The following NECAP2 variants were observed in gnomAD, a reference collection of about 807,000 sequenced individuals.
NECAP2 encodes the protein NECAP endocytosis associated 2, also known as adaptin ear-binding coat-associated protein 2.
In NECAP2, 38 loss-of-function variants were observed where a neutral mutation model predicts 37.8. That is an observed-to-expected ratio of 1.01 (90% CI 0.78 to 1.32). The LOEUF is 1.32. Ranked by LOEUF, NECAP2 falls within the 40% of genes most tolerant of loss-of-function variation. The pLI is 0.00. For missense variants in NECAP2, 316 were observed against 334.5 expected (o/e 0.94, Z 0.43); for synonymous variants, 121 against 127.7 (o/e 0.95, Z 0.35).
chr1:16,440,783 T>G lies in NECAP2; in HGVS notation c.22T>G (p.Ser8Ala), dbSNP rs2086677814. MEESGYE[S>A]VLCVKPDVHV... ...CGCGATGGAGGAGAGCGGGTACGAG[T>G]CGGTGCTCTGTGTCAAGCCTGACGT... is the stretch of plus-strand genomic sequence containing the variant. Residue 8 changes from serine to alanine, a missense_variant, in exon 1 of 8, where the codon TCG becomes GCG. Transcript: ENST00000337132. The G allele has an allele frequency of 2.5e-6, 4 of 1,613,638 alleles. No individual in the cohort carries two copies. The highest frequency in any genetic ancestry group is 1.7e-6 in the Non-Finnish European group (2 of 1,179,942).
At chr1:16,451,132 A>G (rs1189898839) in intron 5 of NECAP2, 1 of 152,176 alleles carries the variant, frequency 6.6e-6, no homozygotes, top group Non-Finnish European at 1.5e-5. Flanking sequence ...GAATTGAATC[A>G]TACACCTAAT....
At chr1:16,451,792 G>C in intron 5 of NECAP2, 46 bp from the exon 6 acceptor site, 1 of 1,610,060 alleles carries the variant, frequency 6.2e-7, no homozygotes, top group Non-Finnish European at 8.5e-7. Context: ...GGTAGCATTG[G>C]GACTCCAGCA....
chr1:16,458,270 C>T (rs950045875), intron 7 of NECAP2, among the ~76,000 whole-genome samples: 1 of 152,052 alleles, frequency 6.6e-6, no homozygotes, highest in African/African-American at 2.4e-5. Context: ...TAAATGAGGG[C>T]TGGCAGTGAG....
intron 1 of NECAP2, among the ~76,000 whole-genome samples, chr1:16,442,339 T>C (rs1393896762): frequency 6.6e-6 from 1 of 152,154 alleles, no homozygotes; most frequent in Non-Finnish European, 1.5e-5. Flanking sequence ...AGCGAGGTTA[T>C]GAATTGTCAG....
At chr1:16,442,678 A>G (rs2086705795) in intron 1 of NECAP2, among the ~76,000 whole-genome samples, 1 of 152,200 alleles carries the variant, frequency 6.6e-6, no homozygotes, top group Admixed American at 6.5e-5. Context: ...CTGTAATCCC[A>G]ACACTTTGGG....
Position 16,443,738 on chromosome 1 carries a change from CGGAA to C in NECAP2, c.193+9_193+12del. The C allele has an allele frequency of 6.2e-7, 1 of 1,607,784 alleles. No homozygotes were observed. Among genetic ancestry groups the C allele is most frequent in the Non-Finnish European group, 8.5e-7 (1 of 1,176,166 alleles). Reference sequence around the variant, plus strand: ...GCTGGAGGACAGGACGTCAGGTAACCGGAAGGGAGGCTGCATCAAGCTGAGGGGC... The same window carrying C: ...GCTGGAGGACAGGACGTCAGGTAACCGGGAGGCTGCATCAAGCTGAGGGGC... On this transcript the variant is annotated splice_region_variant and intron_variant, in intron 2 of 7. Transcript: ENST00000337132.
At chr1:16,445,062 G>T (rs957846438) in intron 2 of NECAP2, among the ~76,000 whole-genome samples, 1 of 152,136 alleles carries the variant, frequency 6.6e-6, no homozygotes, top group African/African-American at 2.4e-5. Context: ...CTGACCTCGT[G>T]ATCCGCCCAC....
At position 16,440,823 on chromosome 1, in the gene NECAP2, T is replaced by C. The variant is rs2086679402; in HGVS notation, c.62T>C (p.Ile21Thr). 1 of 1,614,084 alleles carries C rather than the reference T, an allele frequency of 6.2e-7. No homozygotes were observed. Among genetic ancestry groups the C allele is most frequent in the Non-Finnish European group, 8.5e-7 (1 of 1,179,986 alleles). ...CVKPDVHVYRIPPRATNRGYR... is the reference protein window; with the variant it reads ...CVKPDVHVYRTPPRATNRGYR... ...AAGCCTGACGTCCACGTCTACCGCA[T>C]CCCTCCGCGGGCTACCAACCGTGGC... Residue 21 changes from isoleucine to threonine, a missense_variant, in exon 1 of 8, where the codon ATC (isoleucine) becomes ACC (threonine). Physicochemically the swap from Ile to Thr is moderately conservative, Grantham distance 89 (BLOSUM62 -1). Around this residue, in one of 3 missense-constraint regions of NECAP2, gnomAD observed 81 missense variants for 124.2 expected, o/e 0.65. Transcript: ENST00000337132.
chr1:16,442,156 T>C (rs1376147389), intron 1 of NECAP2, among the ~76,000 whole-genome samples: 3 of 152,152 alleles, frequency 2.0e-5, no homozygotes, highest in Non-Finnish European at 4.4e-5. Context: ...TTTTGTGTTT[T>C]TAGTAGAGAT....
At position 16,445,180 on chromosome 1, in the gene NECAP2, C is replaced by T. The variant is rs150444661; in HGVS notation, c.193+1448C>T. Among the ~76,000 whole-genome samples the T allele has an allele frequency of 3.9e-5, 6 of 152,338 alleles. No individual in the cohort carries two copies. The East Asian group carries it at 1.2e-3, about 29-fold the overall frequency. On this transcript the variant is annotated intron_variant, in intron 2 of 7. Coordinates refer to ENST00000337132, the MANE Select transcript of NECAP2 (RefSeq NM_018090.5). ...ACAGGCACTGCCTAGGGCTGAGCCT[C>T]CCCTGTGGGACCCACCCCAAGGTGC...
At chr1:16,458,725 G>A (rs1421302866) in intron 7 of NECAP2, 117 bp from the exon 8 acceptor site, 1 of 1,038,810 alleles carries the variant, frequency 9.6e-7, no homozygotes, top group Non-Finnish European at 1.4e-6. Context: ...TGCTGCTCTA[G>A]AACATTTAGG....
chr1:16,440,742 G>C lies in NECAP2; in HGVS notation c.-20G>C. 1.9e-6 allele frequency: 3 copies of C among 1,609,350 alleles called. No homozygotes were observed. The highest frequency in any genetic ancestry group is 2.2e-5 in the South Asian group (2 of 90,974). ...GAACGGTGGAAGTCGCCGGAAGTTC[G>C]GTGGGCTCCAGGCGTCGCGATGGAG... On this transcript the variant is annotated 5_prime_UTR_variant, in exon 1 of 8. Coordinates refer to ENST00000337132, the MANE Select transcript of NECAP2 (RefSeq NM_018090.5).
At chr1:16,441,020 A>C in intron 1 of NECAP2, 167 bp downstream of exon 1, 1 of 594,626 alleles carries the variant, frequency 1.7e-6, no homozygotes, top group South Asian at 2.1e-5. Flanking sequence ...GTGGATCCAG[A>C]GTTTCGCCCG....
chr1:16,457,707 GTTTTT>G (rs56863489), intron 7 of NECAP2, among the ~76,000 whole-genome samples: 1 of 105,464 alleles, frequency 9.5e-6, no homozygotes, highest in Non-Finnish European at 1.9e-5. Flanking sequence ...TAGTAATTCT[GTTTTT>G]TTTTTTTTTT....
rs2086788989 is a variant in NECAP2 at position 16,448,083 on chromosome 1, G to A, written c.322G>A (p.Gly108Ser). The change falls in exon 4 of 8, where the codon GGC becomes AGC. Residue 108 changes from glycine to serine, a missense_variant. Physicochemically the swap from Gly to Ser is moderately conservative, Grantham distance 56. Around this residue, in one of 3 missense-constraint regions of NECAP2, gnomAD observed 81 missense variants for 124.2 expected, o/e 0.65. Coordinates refer to ENST00000337132, the MANE Select transcript of NECAP2 (RefSeq NM_018090.5). The stretch of plus-strand genomic sequence containing the variant: ...AGGGCGACGGGCGTTTATTGGAATT[G>A]GCTTCGGGGACCGAGGTGATGCCTT... ...GNGRRAFIGI[G>S]FGDRGDAFDF... 1.2e-5 allele frequency: 19 copies of A among 1,614,182 alleles called. 1 individual carries two copies. In the East Asian group the frequency reaches 4.2e-4, roughly 36 times the overall value.
chr1:16,456,247 A>C (rs1462989345), intron 7 of NECAP2, among the ~76,000 whole-genome samples: 2 of 149,114 alleles, frequency 1.3e-5, no homozygotes, highest in Admixed American at 6.7e-5. Context: ...GTTGTCTTGA[A>C]CTCCTGACCT....
Position 16,455,980 on chromosome 1 carries a change from T to A in NECAP2, c.743+87T>A, listed in dbSNP as rs1009565516. 28 of 976,256 alleles carry A rather than the reference T, an allele frequency of 2.9e-5. No individual in the cohort carries two copies. The Admixed American group carries it at 5.2e-4, about 18-fold the overall frequency. 60.5% of individuals were successfully genotyped at this position (976,256 alleles called of 1,614,324 possible). A position where few individuals can be genotyped will look rare whatever the true frequency, so the allele number is the denominator to read the frequency against. ...ATTGTTCCACATGCCTGCCTTCTGG[T>A]GTTAGGATTAGGAGTAACAGTTTTA... On this transcript the variant is annotated intron_variant, in intron 7 of 7. Transcript: ENST00000337132.
rs946315066 is a variant in NECAP2, at chr1:16,451,671, A to G, written c.490-167A>G. ...CCTTATTTGTGAGAGATTCAGAATGATGATGCACTAAGTATAGCTCATAGC... is the reference window on the plus strand; with the variant it reads ...CCTTATTTGTGAGAGATTCAGAATGGTGATGCACTAAGTATAGCTCATAGC... On this transcript the variant is annotated intron_variant, in intron 5 of 7. Transcript: ENST00000337132. The G allele has an allele frequency of 5.9e-6, 4 of 674,856 alleles. No homozygotes were observed. In the Admixed American group the frequency reaches 7.5e-5, roughly 13 times the overall value. The allele number at this position is 674,856 out of a possible 1,614,324, so 41.8% of individuals were successfully genotyped here. A position where few individuals can be genotyped will look rare whatever the true frequency, so the allele number is the denominator to read the frequency against.
Position 16,455,848 on chromosome 1 carries a change from A to G in NECAP2, c.698A>G (p.Asn233Ser), listed in dbSNP as rs368996614. 8.7e-6 allele frequency: 14 copies of G among 1,613,998 alleles called. No individual in the cohort carries two copies. The South Asian group carries it at 9.9e-5, about 11-fold the overall frequency. The change falls in exon 7 of 8, where the codon AAT (asparagine) becomes AGT (serine). Residue 233 changes from asparagine (N) to serine (S), a missense_variant. By Grantham distance (46) the Asn-to-Ser change is conservative. Coordinates refer to ENST00000337132, the MANE Select transcript of NECAP2 (RefSeq NM_018090.5). The stretch of plus-strand genomic sequence containing the variant: ...GCTCCTGTACCCTGGCCACAGCCCA[A>G]TCCTGCCACTGCTGACATCTGGGGA... ...GGAPVPWPQP[N>S]PATADIWGDF...
Sources: allele counts gnomAD v4.1 joint callset (sites outside exome capture counted in the v4.1 genomes callset), GRCh38; gene constraint gnomAD v4.1.1; regional missense constraint gnomAD v4.1.1; transcripts MANE v1.5; gene names NCBI Gene and HGNC (gene_info 2026-07-23, HGNC 2026-07-21).